ATP1A4: variants seen among roughly 807,000 people sequenced by gnomAD.
ATP1A4 encodes the protein ATPase Na+/K+ transporting subunit alpha 4, also known as sodium/potassium-transporting ATPase subunit alpha-4.
ATP1A4 carries 90 observed loss-of-function variants against 114.3 expected under a neutral mutation model. The observed-to-expected ratio is 0.79, with a 90% CI of 0.66 to 0.94. ATP1A4 has a LOEUF of 0.94. Among genes scored for constraint, ATP1A4 ranks in the 40% least tolerant of loss-of-function variants. The pLI is 0.00. For missense variants in ATP1A4, 1,222 were observed against 1,313.6 expected (o/e 0.93, Z 1.08); for synonymous variants, 511 against 494.1 (o/e 1.03, Z -0.45).
intron 18 of ATP1A4, among the ~76,000 whole-genome samples, chr1:160,177,896 T>C (rs1442653195): frequency 1.3e-5 from 2 of 152,238 alleles, no homozygotes. Context: ...CTCCTGTCTG[T>C]TGTCTGGCCC....
At chr1:160,178,677 GAAA>G in intron 18 of ATP1A4, among the ~76,000 whole-genome samples, 1 of 144,708 alleles carries the variant, frequency 6.9e-6, no homozygotes. Flanking sequence ...CCGTCTCAAA[GAAA>G]AAAAAAAACA....
At chr1:160,186,242 T>G (rs1382692894) in intron 20 of ATP1A4, 34 bp from the exon 21 acceptor site, 11 of 1,463,728 alleles carry the variant, frequency 7.5e-6, no homozygotes, top group Non-Finnish European at 1.1e-5. Context: ...CATCTCTCTC[T>G]CCTGCCATGC....
chr1:160,166,133 G>C (rs925977833), intron 7 of ATP1A4, among the ~76,000 whole-genome samples: 3 of 152,148 alleles, frequency 2.0e-5, no homozygotes, highest in African/African-American at 4.8e-5. Flanking sequence ...AGCTGAACAT[G>C]GTGGTGCATG....
intron 15 of ATP1A4, among the ~76,000 whole-genome samples, chr1:160,175,687 C>T (rs1009918179): frequency 6.6e-5 from 10 of 151,984 alleles, no homozygotes; most frequent in African/African-American, 1.7e-4. Flanking sequence ...ATGAAGCTCA[C>T]GGAGGTGAGG....
intron 6 of ATP1A4, among the ~76,000 whole-genome samples, 174 bp downstream of exon 6, chr1:160,159,700 G>A (rs1187444014): frequency 2.0e-5 from 3 of 152,156 alleles, no homozygotes; most frequent in African/African-American, 2.4e-5. Context: ...TTCCACATTC[G>A]CACAGTGATG....
intron 21 of ATP1A4, 106 bp from the exon 22 acceptor site, chr1:160,186,565 C>A: frequency 1.5e-6 from 2 of 1,350,374 alleles, no homozygotes; most frequent in Non-Finnish European, 2.1e-6. Flanking sequence ...GCCCTGTGTT[C>A]CAGACCTCCC....
intron 20 of ATP1A4, among the ~76,000 whole-genome samples, chr1:160,185,144 G>T (rs570831173): frequency 2.1e-5 from 3 of 145,760 alleles, no homozygotes; most frequent in Non-Finnish European, 4.5e-5. Context: ...TCTTGGTCTC[G>T]CTCTGTCGCC....
intron 5 of ATP1A4, 88 bp from the exon 6 acceptor site, chr1:160,159,321 G>A (rs540309187): frequency 7.3e-7 from 1 of 1,363,040 alleles, no homozygotes; most frequent in Non-Finnish European, 1.0e-6. Context: ...GATGATGTTG[G>A]TGACCAGATG....
intron 10 of ATP1A4, chr1:160,169,720 G>A (rs1010266497): frequency 6.6e-6 from 1 of 152,116 alleles, no homozygotes; most frequent in African/African-American, 2.4e-5. Flanking sequence ...ACCCCATGGA[G>A]AGCTCCTTTT....
chr1:160,186,709 A>G lies in ATP1A4; in HGVS notation c.*10A>G. On this transcript the variant is annotated 3_prime_UTR_variant, in exon 22 of 22. Transcript: ENST00000368081. ...GGAGACGTACTACTAAACTCAGCAG[A>G]TGAAGAGCTTCATGTGACACAGGGG... 6.2e-7 allele frequency: 1 copy of G among 1,610,496 alleles called. No individual in the cohort carries two copies.
At chr1:160,168,630 C>T (rs376584649) in intron 10 of ATP1A4, among the ~76,000 whole-genome samples, 3 of 152,174 alleles carry the variant, frequency 2.0e-5, no homozygotes, top group African/African-American at 7.2e-5. Flanking sequence ...GTGATCCACC[C>T]GCCTCAGCCT....
intron 16 of ATP1A4, 48 bp downstream of exon 16, chr1:160,176,294 A>T: frequency 6.2e-7 from 1 of 1,609,958 alleles, no homozygotes; most frequent in Admixed American, 1.7e-5. Flanking sequence ...TCTGCCTCCT[A>T]AGCTCCCTGC....
chr1:160,155,285 C>T (rs1480410946), intron 3 of ATP1A4, 37 bp downstream of exon 3: 1 of 1,565,700 alleles, frequency 6.4e-7, no homozygotes, highest in African/African-American at 1.3e-5. Context: ...AGCCCTATCT[C>T]TGCTTAGCCC....
intron 4 of ATP1A4, 140 bp downstream of exon 4, chr1:160,156,298 C>A: frequency 1.6e-6 from 1 of 623,180 alleles, no homozygotes; most frequent in Non-Finnish European, 2.9e-6. Flanking sequence ...GGTACTGTAT[C>A]AGTCCTTAAA....
chr1:160,155,419 A>G (rs73025519), intron 3 of ATP1A4, among the ~76,000 whole-genome samples, 171 bp downstream of exon 3: 5,131 of 152,204 alleles, frequency 0.034, 286 homozygotes, highest in African/African-American at 0.12. Flanking sequence ...AATTGATTGT[A>G]ATTAATTACA....
intron 10 of ATP1A4, chr1:160,169,550 C>A (rs1270000219): frequency 6.6e-6 from 1 of 152,224 alleles, no homozygotes; most frequent in East Asian, 1.9e-4. Flanking sequence ...AACAAACGAA[C>A]AGAACAGTTG....
intron 2 of ATP1A4, among the ~76,000 whole-genome samples, chr1:160,154,699 A>G (rs970447474): frequency 1.3e-5 from 2 of 152,174 alleles, no homozygotes; most frequent in African/African-American, 4.8e-5. Context: ...CATTATAATT[A>G]TCTGTATGTA....
At chr1:160,154,847 T>C (rs2102009056) in intron 2 of ATP1A4, among the ~76,000 whole-genome samples, 198 bp from the exon 3 acceptor site, 1 of 152,320 alleles carries the variant, frequency 6.6e-6, no homozygotes, top group East Asian at 1.9e-4. Context: ...CCTTCCTATG[T>C]AAGCATGCTA....
chr1:160,163,371 A>G (rs1652922490), intron 6 of ATP1A4, among the ~76,000 whole-genome samples: 1 of 151,988 alleles, frequency 6.6e-6, no homozygotes. Context: ...ACAGTCCCTA[A>G]CTCTAGACCC....
Sources: gnomAD v4.1 joint callset for allele counts (sites outside exome capture counted in the v4.1 genomes callset) on GRCh38, gnomAD v4.1.1 for gene constraint, MANE v1.5 for transcripts, NCBI Gene and HGNC (gene_info 2026-07-23, HGNC 2026-07-21) for gene names.